The following PPP6R1 variants were observed in gnomAD, a reference collection of about 807,000 sequenced individuals.
PPP6R1 encodes the protein serine/threonine-protein phosphatase 6 regulatory subunit 1.
PPP6R1 carries 39 observed loss-of-function variants against 104.6 expected under a neutral mutation model. The observed-to-expected ratio is 0.37, with a 90% CI of 0.29 to 0.49. The LOEUF (loss-of-function observed/expected upper bound fraction) is 0.49. PPP6R1 is among the 20% of genes least tolerant of loss of function. PPP6R1 has a pLI of 0.98. For synonymous variants in PPP6R1, 549 were observed against 479.0 expected (o/e 1.15, Z -1.91); for missense variants, 1,181 against 1,155.8 (o/e 1.02, Z -0.32).
intron 1 of PPP6R1, among the ~76,000 whole-genome samples, chr19:55,258,231 G>A (rs1249268042): frequency 2.0e-5 from 3 of 152,186 alleles, no homozygotes; most frequent in Non-Finnish European, 4.4e-5. Flanking sequence ...CGGAGCTGAG[G>A]TGAAGAGATT....
chr19:55,242,770 GCT>G (rs1378428864), intron 5 of PPP6R1, among the ~76,000 whole-genome samples: 1 of 152,220 alleles, frequency 6.6e-6, no homozygotes, highest in African/African-American at 2.4e-5. Context: ...GACCCAGAAG[GCT>G]CTGACTGATG....
rs1400392368 is a variant in PPP6R1, at chr19:55,241,147, C to G, written c.1162-68G>C. The G allele has an allele frequency of 6.7e-7, 1 of 1,503,516 alleles. No homozygotes were observed. Among genetic ancestry groups the G allele is most frequent in the Non-Finnish European group, 8.9e-7 (1 of 1,125,402 alleles). The allele number at this position is 1,503,516 out of a possible 1,614,324, so 93.1% of individuals were successfully genotyped here. On this transcript the variant is annotated intron_variant, in intron 9 of 23. Coordinates refer to ENST00000412770, the MANE Select transcript of PPP6R1 (RefSeq NM_014931.4). This position sits in a 1 kb window ranked among gnomAD's most constrained non-coding sequence, Gnocchi z 5.4. ...AGCCGAGCCCCCAACCCCTGAGCCCCCAGCCGAGCCCCCACCCCAGCCCCC... is the reference window on the plus strand; with the variant it reads ...AGCCGAGCCCCCAACCCCTGAGCCCGCAGCCGAGCCCCCACCCCAGCCCCC...
At position 55,230,177 on chromosome 19, in the gene PPP6R1, G is replaced by A; in HGVS notation, c.*351C>T. 1 of 294,418 alleles carries A rather than the reference G, an allele frequency of 3.4e-6. No homozygotes were observed. The highest frequency in any genetic ancestry group is 6.4e-6 in the Non-Finnish European group (1 of 156,028). 18.2% of individuals were successfully genotyped at this position (294,418 alleles called of 1,614,324 possible). ...CACCAGCTCCCGCTGGGACGGAACA[G>A]GGAAGGCTGTGCTTTGGAGCCGCCA... is the stretch of plus-strand genomic sequence containing the variant. On this transcript the variant is annotated 3_prime_UTR_variant, in exon 24 of 24. Coordinates refer to ENST00000412770, the MANE Select transcript of PPP6R1 (RefSeq NM_014931.4).
At chr19:55,249,780 C>T (rs1175117313) in intron 1 of PPP6R1, among the ~76,000 whole-genome samples, 4 of 151,952 alleles carry the variant, frequency 2.6e-5, no homozygotes, top group Non-Finnish European at 5.9e-5. Context: ...GCGGAGGTTG[C>T]AGTGAGTCGA....
In PPP6R1 at chr19:55,241,579, C is replaced by T; in HGVS notation, c.906G>A (p.Leu302=). 6.3e-7 allele frequency: 1 copy of T among 1,584,448 alleles called. No individual in the cohort carries two copies. Among genetic ancestry groups the T allele is most frequent in the Non-Finnish European group, 8.6e-7 (1 of 1,166,632 alleles). ...FSSVDGQLEL[L]AQGALESTVS... is the part of the protein sequence containing the mutation. ...CAGTGCTTTCCAGGGCCCCCTGGGCCAGGAGCTCCAGCTGCCCATCCACAC... is the reference window on the plus strand; with the variant it reads ...CAGTGCTTTCCAGGGCCCCCTGGGCTAGGAGCTCCAGCTGCCCATCCACAC... The change falls in exon 8 of 24, where the codon CTG becomes CTA. Residue 302 remains leucine, a synonymous_variant. Transcript: ENST00000412770. The surrounding 1 kb of genome is among the most constrained non-coding windows in gnomAD (Gnocchi z 5.4).
Position 55,231,640 on chromosome 19 carries a change from G to T in PPP6R1, c.2335C>A (p.Pro779Thr). Residue 779 changes from proline to threonine, a missense_variant, in exon 20 of 24, where the codon CCT becomes ACT. Physicochemically the swap from Pro to Thr is conservative, Grantham distance 38. Around this residue, in one of 2 missense-constraint regions of PPP6R1, gnomAD observed 1,042 missense variants for 955.6 expected, o/e 1.09. Coordinates refer to ENST00000412770, the MANE Select transcript of PPP6R1 (RefSeq NM_014931.4). ...RSQDPTPPSA[P>T]QEATEGSKVT... ...TTGCTGCCTTCTGTGGCTTCCTGAG[G>T]TGCTGAGGGGGGTGTGGGGTCCTGA... The T allele has an allele frequency of 6.2e-7, 1 of 1,611,382 alleles. No homozygotes were observed. The highest frequency in any genetic ancestry group is 8.5e-7 in the Non-Finnish European group (1 of 1,178,736).
chr19:55,230,739 C>CCGG, intron 22 of PPP6R1, 35 bp downstream of exon 22: 1 of 1,457,434 alleles, frequency 6.9e-7, no homozygotes, highest in Non-Finnish European at 9.2e-7. Flanking sequence ...ACCAGCCCCA[C>CCGG]CCCCACCCCC....
intron 1 of PPP6R1, among the ~76,000 whole-genome samples, chr19:55,254,735 T>C (rs2087579737): frequency 6.6e-6 from 1 of 152,174 alleles, no homozygotes; most frequent in Non-Finnish European, 1.5e-5. Context: ...GGAAAGAGCC[T>C]GCTACCAGCA....
chr19:55,255,378 T>C (rs911912894), intron 1 of PPP6R1, among the ~76,000 whole-genome samples: 1 of 152,116 alleles, frequency 6.6e-6, no homozygotes, highest in Admixed American at 6.5e-5. Flanking sequence ...AGGGTTACAG[T>C]GTGATCCAAA....
chr19:55,230,784 G>C lies in PPP6R1; in HGVS notation c.2560C>G (p.Gln854Glu). 7.1e-7 allele frequency: 1 copy of C among 1,410,842 alleles called. No homozygotes were observed. 87.4% of individuals were successfully genotyped at this position (1,410,842 alleles called of 1,614,324 possible). A position where few individuals can be genotyped will look rare whatever the true frequency, so the allele number is the denominator to read the frequency against. The change falls in exon 22 of 24, where the codon CAA (glutamine) becomes GAA (glutamate). Residue 854 changes from glutamine to glutamate, a missense_variant. Physicochemically the swap from Gln to Glu is conservative, Grantham distance 29. Around this residue, in one of 2 missense-constraint regions of PPP6R1, gnomAD observed 1,042 missense variants for 955.6 expected, o/e 1.09. Transcript: ENST00000412770. Reference protein sequence around the residue: ...EKSPEPLGLPQSQSAQALTPP... With the variant: ...EKSPEPLGLPESQSAQALTPP... ...TGCCCTGGTGCTCACCTCTGGCTTTGGGGAAGCCCCAAGGGCTCTGGGCTC... is the reference window on the plus strand; with the variant it reads ...TGCCCTGGTGCTCACCTCTGGCTTTCGGGAAGCCCCAAGGGCTCTGGGCTC...
At chr19:55,228,276 C>A (rs1365541676), downstream of PPP6R1, 1 of 1,613,128 alleles carries the variant, frequency 6.2e-7, no homozygotes, top group Admixed American at 1.7e-5. Context: ...GGGTGTAGCC[C>A]CCGCTTGGGG....
intron 2 of PPP6R1, among the ~76,000 whole-genome samples, chr19:55,246,619 G>C (rs893273698): frequency 1.3e-5 from 2 of 152,230 alleles, no homozygotes; most frequent in Non-Finnish European, 1.5e-5. Context: ...AACTGAGGCG[G>C]GAGGATCACC....
At chr19:55,244,911 G>A (rs1189575018) in intron 5 of PPP6R1, among the ~76,000 whole-genome samples, 2 of 152,074 alleles carry the variant, frequency 1.3e-5, no homozygotes, top group African/African-American at 4.8e-5. Flanking sequence ...ACTCAGCTAA[G>A]TTTTTACGTA....
rs371987412 is a variant in PPP6R1, at chr19:55,245,083, T to A, written c.618+37A>T. ...GGGGAAGTGGGCATGGGGAAGGAAC[T>A]CTAAGGGGAATCCGCAGGGGCATCG... On this transcript the variant is annotated intron_variant, in intron 5 of 23. Coordinates refer to ENST00000412770, the MANE Select transcript of PPP6R1 (RefSeq NM_014931.4). This position sits in a 1 kb window ranked among gnomAD's most constrained non-coding sequence, Gnocchi z 6.4. The A allele has an allele frequency of 3.1e-6, 5 of 1,608,398 alleles. No individual in the cohort carries two copies. The highest frequency in any genetic ancestry group is 1.3e-5 in the African/African-American group (1 of 74,950).
intron 5 of PPP6R1, among the ~76,000 whole-genome samples, chr19:55,243,273 C>T (rs896908281): frequency 4.0e-5 from 6 of 151,876 alleles, no homozygotes; most frequent in Admixed American, 3.3e-4. Flanking sequence ...ATTAGCCAGG[C>T]GCAGTGGTAG....
Position 55,245,719 on chromosome 19 carries a change from G to A in PPP6R1, c.228-41C>T. On this transcript the variant is annotated intron_variant, in intron 2 of 23. Coordinates refer to ENST00000412770, the MANE Select transcript of PPP6R1 (RefSeq NM_014931.4). The surrounding 1 kb of genome is among the most constrained non-coding windows in gnomAD (Gnocchi z 6.4). ...AGGCGGGTGGGGGCTCGGGTCGGAG[G>A]CCGGGGGCAGGGGGCGGCAAGGCTC... The A allele has an allele frequency of 2.0e-6, 3 of 1,504,486 alleles. No homozygotes were observed. The highest frequency in any genetic ancestry group is 1.8e-6 in the Non-Finnish European group (2 of 1,105,120). 93.2% of individuals were successfully genotyped at this position (1,504,486 alleles called of 1,614,324 possible). A position where few individuals can be genotyped will look rare whatever the true frequency, so the allele number is the denominator to read the frequency against.
At chr19:55,229,013 C>G, downstream of PPP6R1, 2 of 436,240 alleles carry the variant, frequency 4.6e-6, no homozygotes, top group Non-Finnish European at 4.3e-6. Flanking sequence ...CCCACAAATG[C>G]CTGTCCCCTT....
rs766920619 is a variant in PPP6R1, at chr19:55,245,639, C to T, written c.267G>A (p.Val89=). ...SVACEILTSD[V]PQINDALGAD... ...CACCCAGGGCATCATTGATCTGGGG[C>T]ACATCTGAGGTCAGAATCTCGCAGG... Residue 89 remains valine, a synonymous_variant, in exon 3 of 24, where the codon GTG becomes GTA. Transcript: ENST00000412770. The surrounding 1 kb of genome is among the most constrained non-coding windows in gnomAD (Gnocchi z 6.4). The T allele has an allele frequency of 4.3e-6, 7 of 1,609,884 alleles. No homozygotes were observed. The East Asian group carries it at 1.6e-4, about 36-fold the overall frequency.
rs759387416 is a variant in PPP6R1 at position 55,240,125 on chromosome 19, T to C, written c.1362-11A>G. On this transcript the variant is annotated splice_polypyrimidine_tract_variant and intron_variant, in intron 11 of 23. Coordinates refer to ENST00000412770, the MANE Select transcript of PPP6R1 (RefSeq NM_014931.4). ...GGGCCTCCCGCACACCTGGCAAGAG[T>C]GAAGGCCGCGGCTGCAAGCCAGGAC... 19 of 1,569,720 alleles carry C rather than the reference T, an allele frequency of 1.2e-5. No homozygotes were observed. The South Asian group carries it at 1.7e-4, about 14-fold the overall frequency.
Sources: allele counts gnomAD v4.1 joint callset (sites outside exome capture counted in the v4.1 genomes callset), GRCh38; gene constraint gnomAD v4.1.1; regional missense constraint gnomAD v4.1.1; non-coding constraint Gnocchi (gnomAD v3.1); transcripts MANE v1.5; gene names NCBI Gene and HGNC (gene_info 2026-07-23, HGNC 2026-07-21).